Variants in CLVS1 observed in about 807,000 individuals in gnomAD.
CLVS1 encodes the protein clavesin 1.
CLVS1 carries 10 observed loss-of-function variants against 33.1 expected under a neutral mutation model. The ratio of observed to expected loss-of-function variants is 0.30; its 90% confidence interval spans 0.19 to 0.51. CLVS1 has a LOEUF of 0.51. CLVS1 is among the 20% of genes least tolerant of loss of function. The pLI is 0.97. For missense variants in CLVS1, 343 were observed against 433.4 expected (o/e 0.79, Z 1.85); for synonymous variants, 163 against 166.1 (o/e 0.98, Z 0.14).
chr8:61,067,286 C>A (rs904524848), intron 1 of CLVS1, among the ~76,000 whole-genome samples: 1 of 151,832 alleles, frequency 6.6e-6, no homozygotes, highest in African/African-American at 2.4e-5. Context: ...CAGTCTCTGA[C>A]GTAGTTCTTG....
chr8:61,261,986 G>GTGTGTGTGTGTGTGTA (rs1809212670), intron 2 of CLVS1, among the ~76,000 whole-genome samples: 1 of 87,160 alleles, frequency 1.1e-5, no homozygotes. Context: ...GTGTGTGTGT[G>GTGTGTGTGTGTGTGTA]TGTGTGTGTG....
intron 5 of CLVS1, among the ~76,000 whole-genome samples, chr8:61,466,358 G>A (rs1817546996): frequency 6.6e-6 from 1 of 152,150 alleles, no homozygotes. Flanking sequence ...TTCTCAGGCA[G>A]GGGCTGATTT....
chr8:61,041,804 C>A, the CLVS1 span, among the ~76,000 whole-genome samples: 15,005 of 152,094 alleles, frequency 0.099, 906 homozygotes, highest in East Asian at 0.27. Context: ...AGAATCATAT[C>A]ATTAGTGAAG....
the CLVS1 span, among the ~76,000 whole-genome samples, chr8:61,047,198 A>T: frequency 1.3e-5 from 2 of 152,246 alleles, no homozygotes; most frequent in Admixed American, 6.5e-5. Flanking sequence ...CAAAAAACAC[A>T]TGAAAAAATG....
intron 1 of CLVS1, among the ~76,000 whole-genome samples, chr8:61,115,011 A>G (rs1332405146): frequency 6.6e-6 from 1 of 152,244 alleles, no homozygotes; most frequent in Non-Finnish European, 1.5e-5. Context: ...TAGAAGCTGG[A>G]CTTTTGTAAG....
At chr8:61,254,254 T>G (rs1334445536) in intron 2 of CLVS1, among the ~76,000 whole-genome samples, 5 of 152,158 alleles carry the variant, frequency 3.3e-5, no homozygotes, top group African/African-American at 1.2e-4. Context: ...GAACAGCAAA[T>G]GTTGCTGCCT....
intron 3 of CLVS1, among the ~76,000 whole-genome samples, chr8:61,442,294 C>T (rs555103582): frequency 3.3e-5 from 5 of 152,194 alleles, no homozygotes; most frequent in Admixed American, 1.3e-4. Context: ...TTTTTATTGC[C>T]AAGCAGTGTT....
At chr8:61,372,938 T>G (rs1206861844) in intron 2 of CLVS1, among the ~76,000 whole-genome samples, 1 of 152,222 alleles carries the variant, frequency 6.6e-6, no homozygotes, top group South Asian at 2.1e-4. Context: ...CTGGATCACC[T>G]GGCTAAGGTA....
chr8:61,159,451 CTT>C (rs1806712546), intron 2 of CLVS1, among the ~76,000 whole-genome samples: 1 of 152,202 alleles, frequency 6.6e-6, no homozygotes, highest in Non-Finnish European at 1.5e-5. Flanking sequence ...AAAGGAAAAA[CTT>C]TGCAAAAACT....
At chr8:61,363,380 G>A (rs747098319) in intron 2 of CLVS1, among the ~76,000 whole-genome samples, 8 of 152,152 alleles carry the variant, frequency 5.3e-5, no homozygotes, top group Non-Finnish European at 7.4e-5. Flanking sequence ...GGGAATGTAC[G>A]CTGATGTTTT....
intron 2 of CLVS1, among the ~76,000 whole-genome samples, chr8:61,222,962 A>T: frequency 6.9e-6 from 1 of 144,234 alleles, no homozygotes. Context: ...GTTGGTTTAA[A>T]GTCTGTTTTG....
rs1804836772 is a variant in CLVS1 at position 61,501,128 on chromosome 8, C to A, written c.*1586C>A. 6.6e-6 allele frequency: 1 copy of A among 151,926 alleles called. No individual in the cohort carries two copies. Among genetic ancestry groups the A allele is most frequent in the Non-Finnish European group, 1.5e-5 (1 of 67,980 alleles). 9.4% of individuals were successfully genotyped at this position (151,926 alleles called of 1,614,324 possible). ...TCATTTTTGTGTAGACATACGAAAT[C>A]ACAAAAATAATAACACTGAAATAAT... is the stretch of plus-strand genomic sequence containing the variant. On this transcript the variant is annotated 3_prime_UTR_variant, in exon 6 of 6. Coordinates refer to ENST00000325897, the MANE Select transcript of CLVS1 (RefSeq NM_173519.3).
intron 3 of CLVS1, among the ~76,000 whole-genome samples, chr8:61,384,816 G>T (rs1234954708): frequency 1.3e-5 from 2 of 152,150 alleles, no homozygotes; most frequent in African/African-American, 4.8e-5. Context: ...ACTGAGAAAA[G>T]AACCCAAGTG....
chr8:61,492,994 TAGAA>T (rs1243177940), intron 5 of CLVS1, among the ~76,000 whole-genome samples: 9 of 152,170 alleles, frequency 5.9e-5, no homozygotes, highest in Admixed American at 4.6e-4. Context: ...TGCATTATAG[TAGAA>T]AGAAACGTCG....
intron 2 of CLVS1, among the ~76,000 whole-genome samples, chr8:61,236,058 A>T (rs1409548870): frequency 1.3e-5 from 2 of 152,030 alleles, no homozygotes; most frequent in Non-Finnish European, 2.9e-5. Context: ...ACTGCTTTCC[A>T]CCCTTGGTGA....
chr8:61,056,454 G>T (rs1389532372), upstream of CLVS1, among the ~76,000 whole-genome samples: 3 of 152,148 alleles, frequency 2.0e-5, no homozygotes, highest in Non-Finnish European at 4.4e-5. Flanking sequence ...CTGTTTTCTT[G>T]TAAATCATTG....
At chr8:61,051,790 A>G in the CLVS1 span, among the ~76,000 whole-genome samples, 3 of 152,208 alleles carry the variant, frequency 2.0e-5, no homozygotes, top group Non-Finnish European at 2.9e-5. Flanking sequence ...TGCTGGCCCA[A>G]CTGAGGACAG....
chr8:61,160,034 G>T (rs1585652262), intron 2 of CLVS1, among the ~76,000 whole-genome samples: 1 of 152,158 alleles, frequency 6.6e-6, no homozygotes, highest in East Asian at 1.9e-4. Context: ...ATAAACTTTT[G>T]ATCTTGCTGC....
intron 3 of CLVS1, among the ~76,000 whole-genome samples, chr8:61,407,133 C>G (rs1023337706): frequency 6.6e-6 from 1 of 152,144 alleles, no homozygotes; most frequent in Non-Finnish European, 1.5e-5. Flanking sequence ...AAGGGGAATT[C>G]CTCATAGGCT....
Sources: gnomAD v4.1 joint callset for allele counts (sites outside exome capture counted in the v4.1 genomes callset) on GRCh38, gnomAD v4.1.1 for gene constraint, MANE v1.5 for transcripts, NCBI Gene and HGNC (gene_info 2026-07-23, HGNC 2026-07-21) for gene names.